HNF1B: variants seen among roughly 807,000 people sequenced by gnomAD.
The protein encoded by HNF1B is HNF1 homeobox B.
In HNF1B, 8 loss-of-function variants were observed where a neutral mutation model predicts 61.7. The observed-to-expected ratio is 0.13, with a 90% CI of 0.08 to 0.23. The LOEUF (loss-of-function observed/expected upper bound fraction) is 0.23. Among genes scored for constraint, HNF1B ranks in the 10% least tolerant of loss-of-function variants. The pLI is 1.00. For missense variants in HNF1B, 562 were observed against 714.5 expected, an observed-to-expected ratio of 0.79 and a Z score of 2.43; for synonymous variants, 314 against 287.7, an observed-to-expected ratio of 1.09 and a Z score of -0.93.
intron 4 of HNF1B, among the ~76,000 whole-genome samples, chr17:37,724,231 AC>A (rs952735087): frequency 6.6e-6 from 1 of 151,658 alleles, no homozygotes; most frequent in Non-Finnish European, 1.5e-5. Context: ...GTATCCTAAC[AC>A]CCCCCACCCC....
chr17:37,715,797 G>A (rs919231659), intron 4 of HNF1B, among the ~76,000 whole-genome samples: 1 of 152,164 alleles, frequency 6.6e-6, no homozygotes, highest in African/African-American at 2.4e-5. Flanking sequence ...TATTTAACGG[G>A]TATAAAACTC....
At chr17:37,692,806 GA>G (rs1047350948) in intron 8 of HNF1B, among the ~76,000 whole-genome samples, 3 of 152,144 alleles carry the variant, frequency 2.0e-5, no homozygotes, top group African/African-American at 7.2e-5. Context: ...CAAGAGGTAG[GA>G]TGTGCTTGAG....
chr17:37,736,003 A>G (rs921752189), intron 2 of HNF1B, among the ~76,000 whole-genome samples: 3 of 152,222 alleles, frequency 2.0e-5, no homozygotes, highest in Non-Finnish European at 4.4e-5. Context: ...GGCCTCAAGC[A>G]GTCTTCCCGC....
intron 1 of HNF1B, among the ~76,000 whole-genome samples, 162 bp downstream of exon 1, chr17:37,744,379 T>C (rs1389776931): frequency 1.3e-5 from 2 of 152,104 alleles, no homozygotes; most frequent in African/African-American, 4.8e-5. Context: ...CGCTAAGGGA[T>C]TGGGAAGGGT....
rs553277323 is a variant in HNF1B at position 37,687,034 on chromosome 17, C to T, written c.*338G>A. The T allele has an allele frequency of 1.1e-5, 6 of 545,676 alleles. No homozygotes were observed. In the East Asian group the frequency reaches 1.3e-4, roughly 12 times the overall value. The allele number at this position is 545,676 out of a possible 1,614,324, so 33.8% of individuals were successfully genotyped here. On this transcript the variant is annotated 3_prime_UTR_variant, in exon 9 of 9. Coordinates refer to ENST00000617811, the MANE Select transcript of HNF1B (RefSeq NM_000458.4). ...CATTTCAGTAACAGATTCAAGTTTT[C>T]GCATCAGTTTGTTCGATGAAGGATC... is the stretch of plus-strand genomic sequence containing the variant.
rs1242784159 is a variant in HNF1B, at chr17:37,744,714, G to T, written c.171C>A (p.Asp57Glu). 1.2e-5 allele frequency: 19 copies of T among 1,613,312 alleles called. No individual in the cohort carries two copies. The Admixed American group carries it at 3.2e-4, about 27-fold the overall frequency. Residue 57 changes from aspartate (D) to glutamate (E), a missense_variant, in exon 1 of 9, where the codon GAC becomes GAA. Asp to Glu is a conservative substitution (Grantham distance 45). This residue lies in a region of HNF1B where 148 missense variants were observed against 147.3 expected (regional missense o/e 1.00). Coordinates refer to ENST00000617811, the MANE Select transcript of HNF1B (RefSeq NM_000458.4). ...PLSPGSGAEP[D>E]TKPVFHTLTN... ...TGAGAGTATGGAAGACCGGCTTGGT[G>T]TCGGGCTCGGCCCCGCTGCCAGGGG...
At chr17:37,695,286 T>A (rs1251360531) in intron 8 of HNF1B, among the ~76,000 whole-genome samples, 2 of 152,204 alleles carry the variant, frequency 1.3e-5, no homozygotes, top group Admixed American at 6.5e-5. Flanking sequence ...TTGGTGGGTT[T>A]CATGTGATGT....
In HNF1B at chr17:37,699,174, G is replaced by A. The variant is rs200122595; in HGVS notation, c.1555C>T (p.Pro519Ser). The change falls in exon 8 of 9, where the codon CCC becomes TCC. Residue 519 changes from proline to serine, a missense_variant. By Grantham distance (74) the Pro-to-Ser change is moderately conservative. Transcript: ENST00000617811. ...CGGGAGGTGTGGGAATACTGGGGGGGTTCCTGCTTGTGTGCGTACACTGGA... is the reference window on the plus strand; with the variant it reads ...CGGGAGGTGTGGGAATACTGGGGGGATTCCTGCTTGTGTGCGTACACTGGA... The part of the protein sequence containing the change: ...NSHMYAHKQE[P>S]PQYSHTSRFP... The A allele has an allele frequency of 5.6e-6, 9 of 1,614,030 alleles. No homozygotes were observed. In the Admixed American group the frequency reaches 8.3e-5, roughly 15 times the overall value.
chr17:37,712,233 T>G (rs1273169778), intron 4 of HNF1B, among the ~76,000 whole-genome samples: 2 of 151,916 alleles, frequency 1.3e-5, no homozygotes, highest in Non-Finnish European at 2.9e-5. Flanking sequence ...CTAGTGGGGG[T>G]GGTGGTGACA....
chr17:37,705,058 G>A lies in HNF1B; in HGVS notation c.1207-9C>T. The A allele has an allele frequency of 6.2e-7, 1 of 1,612,738 alleles. No homozygotes were observed. Among genetic ancestry groups the A allele is most frequent in the African/African-American group, 1.3e-5 (1 of 75,018 alleles). ...CCTCCTGAGACTGAGATCTGATGGA[G>A]AGAAAAAAACAAGAGAAACATGGGT... On this transcript the variant is annotated splice_polypyrimidine_tract_variant and intron_variant, in intron 5 of 8. Coordinates refer to ENST00000617811, the MANE Select transcript of HNF1B (RefSeq NM_000458.4).
chr17:37,692,771 G>C (rs11868535), intron 8 of HNF1B, among the ~76,000 whole-genome samples: 25,474 of 152,164 alleles, frequency 0.17, 2,579 homozygotes, highest in East Asian at 0.26. Flanking sequence ...AGGAGAATGG[G>C]AAACAGGGAT....
At chr17:37,696,711 G>A (rs148478919) in intron 8 of HNF1B, among the ~76,000 whole-genome samples, 97 of 152,272 alleles carry the variant, frequency 6.4e-4, no homozygotes, top group Admixed American at 5.2e-3. Context: ...ATCTGAACAC[G>A]CCAGAAATGA....
At chr17:37,720,926 G>A (rs2033292943) in intron 4 of HNF1B, 1 of 985,282 alleles carries the variant, frequency 1.0e-6, no homozygotes, top group South Asian at 4.7e-5. Flanking sequence ...GCTCATTTCT[G>A]TCTCCATCCA....
intron 8 of HNF1B, among the ~76,000 whole-genome samples, chr17:37,689,930 C>T (rs75852264): frequency 6.6e-6 from 1 of 152,006 alleles, no homozygotes; most frequent in African/African-American, 2.4e-5. Flanking sequence ...CTGTAAACAA[C>T]ACCCTGCCCA....
chr17:37,731,466 A>G (rs2033679424), intron 4 of HNF1B, 129 bp downstream of exon 4: 1 of 771,534 alleles, frequency 1.3e-6, no homozygotes, highest in Non-Finnish European at 2.3e-6. Flanking sequence ...ATATTCTGGC[A>G]ATGAGAGAGC....
In HNF1B at chr17:37,744,527, C is replaced by T; in HGVS notation, c.344+14G>A. ...GGGTTCGGGTGGGTCCCCTCCACCT[C>T]GCTCTGCGCCTACCTGAGCATCCGG... On this transcript the variant is annotated intron_variant, in intron 1 of 8. Transcript: ENST00000617811. The T allele has an allele frequency of 6.2e-7, 1 of 1,600,226 alleles. No individual in the cohort carries two copies. The highest frequency in any genetic ancestry group is 8.5e-7 in the Non-Finnish European group (1 of 1,179,596).
intron 8 of HNF1B, among the ~76,000 whole-genome samples, chr17:37,697,216 A>G (rs1792885666): frequency 6.6e-6 from 1 of 152,264 alleles, no homozygotes; most frequent in South Asian, 2.1e-4. Context: ...GACAATGTTC[A>G]TGAGAAGTAT....
intron 4 of HNF1B, chr17:37,728,731 C>T (rs754459586): frequency 6.6e-6 from 1 of 152,620 alleles, no homozygotes; most frequent in Non-Finnish European, 1.5e-5. Context: ...AGAAGCCACC[C>T]CTGAATGCTG....
chr17:37,736,238 TAG>T (rs542644479), intron 2 of HNF1B, among the ~76,000 whole-genome samples: 13 of 152,218 alleles, frequency 8.5e-5, no homozygotes, highest in Middle Eastern at 3.2e-3. Context: ...GTGGCACCAG[TAG>T]AGTCACCAAT....
Sources: allele counts gnomAD v4.1 joint callset (sites outside exome capture counted in the v4.1 genomes callset), GRCh38; gene constraint gnomAD v4.1.1; regional missense constraint gnomAD v4.1.1; transcripts MANE v1.5; gene names NCBI Gene and HGNC (gene_info 2026-07-23, HGNC 2026-07-21).